Variants in ABL1 observed in about 807,000 individuals in gnomAD.
ABL1 encodes the protein ABL proto-oncogene 1, non-receptor tyrosine kinase.
Under a neutral mutation model 94.7 loss-of-function variants are expected in ABL1, and 11 were observed. The observed-to-expected ratio is 0.12, with a 90% confidence interval of 0.07 to 0.19. The LOEUF (loss-of-function observed/expected upper bound fraction) is 0.19, where lower values mean the gene tolerates loss of function less well. ABL1 is among the 10% of genes least tolerant of loss of function. The pLI, the probability that ABL1 is intolerant of heterozygous loss-of-function variation, is 1.00. For missense variants in ABL1, 1,082 were observed against 1,489.4 expected (o/e 0.73, Z 4.50); for synonymous variants, 656 against 622.4 (o/e 1.05, Z -0.80).
At chr9:130,807,676 A>G (rs896843618) in intron 1 of ABL1, among the ~76,000 whole-genome samples, 3 of 131,234 alleles carry the variant, frequency 2.3e-5, no homozygotes, top group Admixed American at 2.3e-4. Context: ...TTTTATATAT[A>G]TATATATATA....
intron 7 of ABL1, among the ~76,000 whole-genome samples, chr9:130,875,528 T>C (rs1277727864): frequency 6.6e-6 from 1 of 151,988 alleles, no homozygotes; most frequent in African/African-American, 2.4e-5. Flanking sequence ...TTAAGTCTCC[T>C]CTATAAGCCC....
At chr9:130,768,912 A>G (rs919893019) in intron 1 of ABL1, among the ~76,000 whole-genome samples, 2 of 152,218 alleles carry the variant, frequency 1.3e-5, no homozygotes, top group Non-Finnish European at 2.9e-5. Flanking sequence ...GATGTGTTCA[A>G]TGTGTTCAAT....
chr9:130,743,663 A>G (rs928335551), intron 1 of ABL1, among the ~76,000 whole-genome samples: 1 of 152,202 alleles, frequency 6.6e-6, no homozygotes, highest in Non-Finnish European at 1.5e-5. Flanking sequence ...CAAAACCTTT[A>G]TTGGGAGTCC....
At chr9:130,744,687 C>T (rs1356961915) in intron 1 of ABL1, among the ~76,000 whole-genome samples, 5 of 149,566 alleles carry the variant, frequency 3.3e-5, no homozygotes, top group African/African-American at 4.9e-5. Flanking sequence ...GCCATCTCTA[C>T]TAAAAATACA....
intron 1 of ABL1, among the ~76,000 whole-genome samples, chr9:130,720,814 C>G (rs1201667793): frequency 1.3e-5 from 2 of 152,044 alleles, no homozygotes; most frequent in Non-Finnish European, 2.9e-5. Flanking sequence ...TCAGAACCGA[C>G]AAGATTTGCT....
chr9:130,723,873 G>A (rs569329343), intron 1 of ABL1, among the ~76,000 whole-genome samples: 6 of 149,614 alleles, frequency 4.0e-5, no homozygotes, highest in Non-Finnish European at 5.9e-5. Flanking sequence ...GTGCAGTGGC[G>A]CGATCTTGGC....
At chr9:130,727,334 T>G (rs1249767173) in intron 1 of ABL1, among the ~76,000 whole-genome samples, 1 of 152,036 alleles carries the variant, frequency 6.6e-6, no homozygotes, top group East Asian at 1.9e-4. Flanking sequence ...CCCAAAGTGC[T>G]GGGATTACAG....
intron 1 of ABL1, among the ~76,000 whole-genome samples, chr9:130,719,331 C>A (rs780274526): frequency 7.2e-5 from 11 of 152,090 alleles, no homozygotes; most frequent in Non-Finnish European, 1.3e-4. Flanking sequence ...GAGTTTGAGA[C>A]CAGCTTGACC....
chr9:130,800,192 T>C (rs1393994855), intron 1 of ABL1, among the ~76,000 whole-genome samples: 1 of 152,186 alleles, frequency 6.6e-6, no homozygotes, highest in Admixed American at 6.6e-5. Flanking sequence ...TTTTTATAGA[T>C]ACTTATTGAA....
Position 130,872,705 on chromosome 9 carries a change from C to T in ABL1, c.908-155C>T, listed in dbSNP as rs187200860. On this transcript the variant is annotated intron_variant, in intron 5 of 10. Transcript: ENST00000318560. This position sits in a 1 kb window ranked among gnomAD's most constrained non-coding sequence, Gnocchi z 5.0. ...TGGCCATGTCCCTCCCACACGAGCA[C>T]AGTCTCAGGATGCAGGTGCTTGGGA... Among the ~76,000 whole-genome samples the T allele has an allele frequency of 4.6e-5, 7 of 152,338 alleles. No homozygotes were observed. Among genetic ancestry groups the T allele is most frequent in the African/African-American group, 1.7e-4 (7 of 41,580 alleles).
At chr9:130,832,553 C>T (rs2772028), upstream of ABL1, among the ~76,000 whole-genome samples, 31,521 of 152,128 alleles carry the variant, frequency 0.21, 3,898 homozygotes, top group African/African-American at 0.34. Flanking sequence ...CCCTCTCCCT[C>T]CAGTCAGTTT....
intron 1 of ABL1, among the ~76,000 whole-genome samples, chr9:130,755,023 A>G (rs4740365): frequency 0.3 from 45,464 of 152,030 alleles, 9,382 homozygotes; most frequent in African/African-American, 0.56. Context: ...TATTTGGTGG[A>G]CATTGGGCAT....
rs190123569 is a variant in ABL1, at chr9:130,835,561, G to A, written c.79+36G>A. On this transcript the variant is annotated intron_variant, in intron 1 of 10. Transcript: ENST00000318560. This position sits in a 1 kb window ranked among gnomAD's most constrained non-coding sequence, Gnocchi z 4.6. ...GCCGCACGGGTTGGGCTGAGTAGCC[G>A]CGCGCCCTCCCGCTGCTGCTGGGCC... is the stretch of plus-strand genomic sequence containing the variant. 28 of 1,527,900 alleles carry A rather than the reference G, an allele frequency of 1.8e-5. No individual in the cohort carries two copies. The highest frequency in any genetic ancestry group is 2.4e-5 in the Non-Finnish European group (27 of 1,128,516). 94.6% of individuals were successfully genotyped at this position (1,527,900 alleles called of 1,614,324 possible).
intron 1 of ABL1, among the ~76,000 whole-genome samples, chr9:130,759,482 C>T (rs537948764): frequency 4.3e-4 from 65 of 152,228 alleles, no homozygotes; most frequent in Admixed American, 1.3e-3. Flanking sequence ...CTCGAATTTG[C>T]TTTTTGTCTA....
At position 130,862,419 on chromosome 9, in the gene ABL1, T is replaced by C. The variant is rs35489589; in HGVS notation, c.550-344T>C. Among the ~76,000 whole-genome samples the C allele has an allele frequency of 0.016, 2,461 of 152,102 alleles. 50 individuals are homozygous for C. Among genetic ancestry groups the C allele is most frequent in the Admixed American group, 0.065 (996 of 15,282 alleles). On this transcript the variant is annotated intron_variant, in intron 3 of 10. Transcript: ENST00000318560. The surrounding 1 kb of genome is among the most constrained non-coding windows in gnomAD (Gnocchi z 5.5). ...ACCCGTGCCGTGTGATGACTTTAGA[T>C]TGGGTGGTTGGGGAAGACTTCACGG...
chr9:130,785,163 G>A (rs1829810158), intron 1 of ABL1, among the ~76,000 whole-genome samples: 1 of 152,232 alleles, frequency 6.6e-6, no homozygotes, highest in Non-Finnish European at 1.5e-5. Flanking sequence ...GTGCTGGAGG[G>A]ACATGGCAAG....
intron 1 of ABL1, among the ~76,000 whole-genome samples, chr9:130,813,163 C>T (rs1254397757): frequency 2.6e-5 from 4 of 151,576 alleles, no homozygotes; most frequent in East Asian, 1.9e-4. Context: ...TGCAGTGAGC[C>T]GAGATTGCAC....
At chr9:130,782,332 A>AT (rs747906555) in intron 1 of ABL1, among the ~76,000 whole-genome samples, 1 of 152,192 alleles carries the variant, frequency 6.6e-6, no homozygotes, top group Non-Finnish European at 1.5e-5. Flanking sequence ...AAGTGCTGGG[A>AT]TTACAGGCGT....
chr9:130,764,497 A>G (rs575517178), intron 1 of ABL1, among the ~76,000 whole-genome samples: 17 of 152,330 alleles, frequency 1.1e-4, no homozygotes, highest in Admixed American at 5.2e-4. Flanking sequence ...ATTTAGCAGC[A>G]TCAGATTCTC....
Sources: allele counts gnomAD v4.1 joint callset (sites outside exome capture counted in the v4.1 genomes callset), GRCh38; gene constraint gnomAD v4.1.1; non-coding constraint Gnocchi (gnomAD v3.1); transcripts MANE v1.5; gene names NCBI Gene and HGNC (gene_info 2026-07-23, HGNC 2026-07-21).